The following KLHL15 variants were observed in gnomAD, a reference collection of about 807,000 sequenced individuals.
KLHL15 encodes kelch like family member 15, also known as kelch-like protein 15.
KLHL15 carries 1 observed loss-of-function variant against 29.3 expected under a neutral mutation model. The ratio of observed to expected loss-of-function variants is 0.03; its 90% CI spans 0.01 to 0.16. KLHL15 has a LOEUF of 0.16. Ranked by LOEUF, KLHL15 falls within the 10% of genes least tolerant of loss-of-function variation. The pLI, the probability that KLHL15 is intolerant of heterozygous loss-of-function variation, is 1.00. For synonymous variants in KLHL15, 212 were observed against 184.5 expected (o/e 1.15, Z -1.21); for missense variants, 215 against 478.5 (o/e 0.45, Z 5.14).
intron 3 of KLHL15, among the ~76,000 whole-genome samples, chrX:23,999,610 A>AAAAAG (rs1263045330): frequency 1.8e-5 from 2 of 109,776 alleles, no homozygotes; most frequent in African/African-American, 6.6e-5. Flanking sequence ...AAAAAAAAAA[A>AAAAAG]AGAGAGAATC....
At chrX:24,017,953 TA>T (rs1046975674) in intron 2 of KLHL15, among the ~76,000 whole-genome samples, 2 of 110,094 alleles carry the variant, frequency 1.8e-5, no homozygotes, top group African/African-American at 6.6e-5. Flanking sequence ...AAAATTTTTT[TA>T]AATAGCAGAG....
At chrX:24,017,705 C>T (rs757432998) in intron 2 of KLHL15, among the ~76,000 whole-genome samples, 25 of 100,240 alleles carry the variant, frequency 2.5e-4, no homozygotes, top group African/African-American at 8.3e-4. Context: ...AAACTGAGCC[C>T]GGGAGGCCGA....
chrX:23,998,342 C>T (rs1929237821), intron 3 of KLHL15, among the ~76,000 whole-genome samples: 1 of 110,360 alleles, frequency 9.1e-6, no homozygotes, highest in Non-Finnish European at 1.9e-5. Context: ...CTGCATGCTC[C>T]ACCTCCTGGG....
rs1928972824 is a variant in KLHL15, at chrX:23,985,689, C to G, written c.*2232G>C. ...CTCAAATGTTTGCCCAGATGTCACC[C>G]TGACTAGGGTCATGAAGTCATATCT... On this transcript the variant is annotated 3_prime_UTR_variant, in exon 4 of 4. Coordinates refer to ENST00000328046, the MANE Select transcript of KLHL15 (RefSeq NM_030624.3). 1 of 112,596 alleles carries G rather than the reference C, an allele frequency of 8.9e-6. No individual in the cohort carries two copies. Among genetic ancestry groups the G allele is most frequent in the Non-Finnish European group, 1.9e-5 (1 of 53,308 alleles). 9.3% of individuals were successfully genotyped at this position (112,596 alleles called of 1,213,427 possible). A position where few individuals can be genotyped will look rare whatever the true frequency, so the allele number is the denominator to read the frequency against.
chrX:23,994,597 C>T (rs1929148688), intron 3 of KLHL15, among the ~76,000 whole-genome samples: 2 of 111,793 alleles, frequency 1.8e-5, no homozygotes, highest in South Asian at 3.7e-4. Context: ...AACAGTTTAT[C>T]TGTGTATCAG....
At chrX:23,989,773 C>T (rs915954732) in intron 3 of KLHL15, among the ~76,000 whole-genome samples, 2 of 110,607 alleles carry the variant, frequency 1.8e-5, no homozygotes, top group African/African-American at 6.6e-5. Flanking sequence ...CAGTAGATAT[C>T]AGGTCAAACT....
chrX:23,997,783 A>G (rs971954347), intron 3 of KLHL15, among the ~76,000 whole-genome samples: 1 of 106,546 alleles, frequency 9.4e-6, no homozygotes, highest in African/African-American at 3.4e-5. Flanking sequence ...TAGAAAAAGA[A>G]ACTAACAAGC....
At chrX:24,010,305 G>T (rs919946056) in intron 2 of KLHL15, among the ~76,000 whole-genome samples, 10 of 111,552 alleles carry the variant, frequency 9.0e-5, no homozygotes, top group African/African-American at 3.3e-4. Context: ...CCATATCAGA[G>T]CAACCACTTT....
intron 3 of KLHL15, among the ~76,000 whole-genome samples, chrX:24,001,801 TC>T (rs1202527842): frequency 4.3e-4 from 6 of 13,926 alleles, no homozygotes; most frequent in East Asian, 4.0e-3. Context: ...GAGACTTGAC[TC>T]AAAAAAAAAA....
chrX:24,006,010 G>A lies in KLHL15; in HGVS notation c.684C>T (p.Thr228=). ...IIQNIRFCLM[T]PTSVFEKVKT... ...TAACCTTCTCAAAAACGCTGGTTGG[G>A]GTCATCAAGCAAAACCGGATATTCT... is the stretch of plus-strand genomic sequence containing the variant. The change falls in exon 3 of 4, where the codon ACC becomes ACT. Residue 228 remains threonine, a synonymous_variant. Transcript: ENST00000328046. The A allele has an allele frequency of 8.3e-7, 1 of 1,209,446 alleles. No individual in the cohort carries two copies. The highest frequency in any genetic ancestry group is 1.1e-6 in the Non-Finnish European group (1 of 894,026).
At chrX:24,005,001 C>A (rs1929418051) in intron 3 of KLHL15, among the ~76,000 whole-genome samples, 1 of 111,079 alleles carries the variant, frequency 9.0e-6, no homozygotes, top group Non-Finnish European at 1.9e-5. Flanking sequence ...CCCTCCTTTG[C>A]AGATACTGTA....
Position 23,987,942 on chromosome X carries a change from A to G in KLHL15, c.1794T>C (p.Asp598=). 1 of 1,207,791 alleles carries G rather than the reference A, an allele frequency of 8.3e-7. No individual in the cohort carries two copies. Among genetic ancestry groups the G allele is most frequent in the Non-Finnish European group, 1.1e-6 (1 of 893,347 alleles). The part of the protein sequence containing the change: ...CNLHFPDYVL[D]EVRRCN ...GTCATTAGTTGCAACGCCTGACCTCATCCAGTACATAGTCCGGAAAATGCA... is the reference window on the plus strand; with the variant it reads ...GTCATTAGTTGCAACGCCTGACCTCGTCCAGTACATAGTCCGGAAAATGCA... The change falls in exon 4 of 4, where the codon GAT becomes GAC. Residue 598 remains aspartate (D), a synonymous_variant. Transcript: ENST00000328046.
intron 3 of KLHL15, among the ~76,000 whole-genome samples, chrX:23,995,011 TTTTAC>T (rs1929156772): frequency 9.0e-6 from 1 of 111,162 alleles, no homozygotes; most frequent in Non-Finnish European, 1.9e-5. Context: ...TCTAAACATC[TTTTAC>T]TTTAATTGTG....
intron 2 of KLHL15, among the ~76,000 whole-genome samples, chrX:24,024,202 G>T (rs1282878810): frequency 9.0e-6 from 1 of 111,686 alleles, no homozygotes; most frequent in Non-Finnish European, 1.9e-5. Context: ...CAAGCAACGT[G>T]ACTATTACAG....
intron 2 of KLHL15, among the ~76,000 whole-genome samples, chrX:24,008,951 A>AT (rs1309718112): frequency 1.8e-5 from 2 of 109,054 alleles, no homozygotes; most frequent in African/African-American, 6.8e-5. Context: ...TTAGCTTTCT[A>AT]TTGTTCTTTT....
chrX:24,008,885 A>AAAAC (rs1929513950), intron 2 of KLHL15, among the ~76,000 whole-genome samples: 1 of 105,976 alleles, frequency 9.4e-6, no homozygotes, highest in African/African-American at 3.6e-5. Context: ...AAAAAAAAAC[A>AAAAC]AAACAAAAAA....
intron 3 of KLHL15, among the ~76,000 whole-genome samples, chrX:23,999,627 T>G (rs1006197473): frequency 9.5e-6 from 1 of 105,665 alleles, no homozygotes; most frequent in Non-Finnish European, 1.9e-5. Flanking sequence ...AATCAGCAAG[T>G]AAGATTGAAC....
chrX:24,019,644 A>AAC (rs200893692), intron 2 of KLHL15, among the ~76,000 whole-genome samples: 12,448 of 107,017 alleles, frequency 0.12, 955 homozygotes, highest in African/African-American at 0.27. Context: ...GATAAGTGAC[A>AAC]ACACACACAC....
At chrX:24,022,341 T>TA (rs1354214505) in intron 2 of KLHL15, among the ~76,000 whole-genome samples, 7,112 of 41,062 alleles carry the variant, frequency 0.17, 441 homozygotes, top group South Asian at 0.3. Flanking sequence ...TCTCAAAAGA[T>TA]AAAAAAAAAA....
Sources: gnomAD v4.1 joint callset for allele counts (sites outside exome capture counted in the v4.1 genomes callset) on GRCh38, gnomAD v4.1.1 for gene constraint, MANE v1.5 for transcripts, NCBI Gene and HGNC (gene_info 2026-07-23, HGNC 2026-07-21) for gene names.